TRRAP: variants seen among roughly 807,000 people sequenced by gnomAD.
TRRAP encodes the protein transformation/transcription domain-associated protein.
A neutral mutation model predicts 438.8 loss-of-function variants in TRRAP; 41 were observed. That is an observed-to-expected ratio of 0.09 (90% confidence interval 0.07 to 0.12). The LOEUF (loss-of-function observed/expected upper bound fraction) is 0.12. Among genes scored for constraint, TRRAP ranks in the 10% least tolerant of loss-of-function variants. The pLI is 1.00. For missense variants in TRRAP, 3,122 were observed against 5,055.1 expected (o/e 0.62, Z 11.60); for synonymous variants, 1,994 against 1,962.9 (o/e 1.02, Z -0.42).
intron 60 of TRRAP, 136 bp downstream of exon 60, chr7:98,983,595 T>C: frequency 1.0e-6 from 1 of 955,996 alleles, no homozygotes; most frequent in Non-Finnish European, 1.6e-6. Flanking sequence ...GGGTAGGGAA[T>C]GACAGGTCGG....
intron 67 of TRRAP, chr7:98,999,310 A>G (rs1793812025): frequency 7.5e-7 from 1 of 1,327,486 alleles, no homozygotes; most frequent in Non-Finnish European, 1.1e-6. Flanking sequence ...TTTATCTGCT[A>G]AGCTTGATCA....
Position 98,925,156 on chromosome 7 carries a change from G to A in TRRAP, c.2868G>A (p.Glu956=). Residue 956 remains glutamate, a synonymous_variant, in exon 22 of 73, where the codon GAG becomes GAA. Transcript: ENST00000456197. ...ACTGCCTGAAAAGCGCCAACACTGAGCCCTACTACCGGAGGCAGGCGTGGG... is the reference window on the plus strand; with the variant it reads ...ACTGCCTGAAAAGCGCCAACACTGAACCCTACTACCGGAGGCAGGCGTGGG... ...ALDCLKSANT[E]PYYRRQAWEV... is the part of the protein sequence containing the mutation. 6.2e-7 allele frequency: 1 copy of A among 1,614,214 alleles called. No individual in the cohort carries two copies. The highest frequency in any genetic ancestry group is 8.5e-7 in the Non-Finnish European group (1 of 1,180,040).
chr7:98,923,342 CT>C (rs1168400393), intron 21 of TRRAP, among the ~76,000 whole-genome samples: 1 of 152,170 alleles, frequency 6.6e-6, no homozygotes, highest in Non-Finnish European at 1.5e-5. Context: ...CTTACAGAGG[CT>C]CACCATGGTG....
chr7:99,002,980 G>A (rs1794002631), intron 67 of TRRAP, among the ~76,000 whole-genome samples: 1 of 152,192 alleles, frequency 6.6e-6, no homozygotes, highest in African/African-American at 2.4e-5. Flanking sequence ...GAAAAGTGAG[G>A]CCCTAAGAGG....
Position 98,908,898 on chromosome 7 carries a change from G to A in TRRAP, c.1286G>A (p.Cys429Tyr), listed in dbSNP as rs1554408025. ...AAGCTCCTGCTGAACCTGGTGGACTGCATCCGTTCCAAGAGCGAGCAGGAG... is the reference window on the plus strand; with the variant it reads ...AAGCTCCTGCTGAACCTGGTGGACTACATCCGTTCCAAGAGCGAGCAGGAG... ...SCKLLLNLVD[C>Y]IRSKSEQESG... The change falls in exon 14 of 73, where the codon TGC becomes TAC. Residue 429 changes from cysteine (C) to tyrosine (Y), a missense_variant. Physicochemically the swap from Cys to Tyr is radical, Grantham distance 194. Coordinates refer to ENST00000456197, the MANE Select transcript of TRRAP (RefSeq NM_001375524.1). This position sits in a 1 kb window ranked among gnomAD's most constrained non-coding sequence, Gnocchi z 4.1. 1 of 1,614,002 alleles carries A rather than the reference G, an allele frequency of 6.2e-7. No individual in the cohort carries two copies. The highest frequency in any genetic ancestry group is 1.7e-5 in the Admixed American group (1 of 60,006).
chr7:98,967,090 A>G lies in TRRAP; in HGVS notation c.7226A>G (p.Tyr2409Cys), dbSNP rs1584372086. The G allele has an allele frequency of 1.2e-6, 2 of 1,614,116 alleles. No homozygotes were observed. The highest frequency in any genetic ancestry group is 1.7e-6 in the Non-Finnish European group (2 of 1,179,948). Reference sequence around the variant, plus strand: ...ATTTTGCTTGTGAAGATGATGACTTACATAGAAAAACGCTTTCCGGAAGAC... The same window carrying G: ...ATTTTGCTTGTGAAGATGATGACTTGCATAGAAAAACGCTTTCCGGAAGAC... Reference protein sequence around the residue: ...KSILLVKMMTYIEKRFPEDLE... With the variant: ...KSILLVKMMTCIEKRFPEDLE... Residue 2409 changes from tyrosine to cysteine, a missense_variant, in exon 50 of 73, where the codon TAC becomes TGC. Around this residue, in one of 24 missense-constraint regions of TRRAP, gnomAD observed 992 missense variants for 1,281.2 expected, o/e 0.77. Transcript: ENST00000456197.
chr7:99,012,781 G>GT lies in TRRAP; in HGVS notation c.*427dup, dbSNP rs1367414297. The stretch of plus-strand genomic sequence containing the variant: ...GCTTCGTGCTTTTGTACAGACCTTT[G>GT]TAACAAGTGTACAGAAAACTCATTT... On this transcript the variant is annotated 3_prime_UTR_variant, in exon 73 of 73. Coordinates refer to ENST00000456197, the MANE Select transcript of TRRAP (RefSeq NM_001375524.1). The surrounding 1 kb of genome is among the most constrained non-coding windows in gnomAD (Gnocchi z 5.9). 1 of 167,690 alleles carries GT rather than the reference G, an allele frequency of 6.0e-6. No homozygotes were observed. Among genetic ancestry groups the GT allele is most frequent in the Admixed American group, 6.1e-5 (1 of 16,500 alleles). The allele number at this position is 167,690 out of a possible 1,614,324, so 10.4% of individuals were successfully genotyped here.
chr7:98,992,347 A>G (rs563845465), intron 65 of TRRAP, 120 bp downstream of exon 65: 29 of 1,024,394 alleles, frequency 2.8e-5, no homozygotes, highest in Middle Eastern at 2.7e-4. Context: ...GCCGTGGCCA[A>G]TCTCTCCTCA....
At chr7:98,888,525 A>C (rs1048583138) in intron 3 of TRRAP, among the ~76,000 whole-genome samples, 1 of 152,230 alleles carries the variant, frequency 6.6e-6, no homozygotes, top group Admixed American at 6.5e-5. Flanking sequence ...CGACAGAGTG[A>C]GACTCCGTCT....
At chr7:98,891,434 C>T (rs914600511) in intron 4 of TRRAP, among the ~76,000 whole-genome samples, 2 of 151,656 alleles carry the variant, frequency 1.3e-5, no homozygotes, top group Non-Finnish European at 1.5e-5. Context: ...CTCCTGACCT[C>T]AGGTGATCCG....
rs77909641 is a variant in TRRAP, at chr7:98,950,872, G to A, written c.5335-4G>A. Reference sequence around the variant, plus strand: ...CTCCTTCTTTATTTAAATTTTTTTTGTAGGTTCTGCAGCATATCTTGAATC... The same window carrying A: ...CTCCTTCTTTATTTAAATTTTTTTTATAGGTTCTGCAGCATATCTTGAATC... On this transcript the variant is annotated splice_region_variant and splice_polypyrimidine_tract_variant and intron_variant, in intron 38 of 72. Transcript: ENST00000456197. 1 of 1,519,458 alleles carries A rather than the reference G, an allele frequency of 6.6e-7. No homozygotes were observed. Among genetic ancestry groups the A allele is most frequent in the Non-Finnish European group, 8.8e-7 (1 of 1,137,568 alleles). 94.1% of individuals were successfully genotyped at this position (1,519,458 alleles called of 1,614,324 possible).
At position 98,892,519 on chromosome 7, in the gene TRRAP, C is replaced by G; in HGVS notation, c.357C>G (p.Arg119=). The G allele has an allele frequency of 1.9e-6, 3 of 1,609,176 alleles. No individual in the cohort carries two copies. The highest frequency in any genetic ancestry group is 2.5e-6 in the Non-Finnish European group (3 of 1,178,612). Residue 119 remains arginine (R), a synonymous_variant, in exon 5 of 73, where the codon CGC becomes CGG. Transcript: ENST00000456197. ...AAAATGTTTTGTCTGTGATGTTTCG[C>G]TTTTTAGAGGTAAGTTTTGAGAATT... The part of the protein sequence containing the change: ...HTKNVLSVMF[R]FLETENEENV...
chr7:98,949,553 G>A lies in TRRAP; in HGVS notation c.4925G>A (p.Arg1642His), dbSNP rs1175048909. ...RPGSPSTSTM[R>H]LDLQFQAIKI... ...GGTTCGCCCAGCACCAGCACCATGC[G>A]CCTGGACCTCCAGTTCCAGGCCATC... The change falls in exon 36 of 73, where the codon CGC becomes CAC. Residue 1642 changes from arginine to histidine, a missense_variant. Arg to His is a conservative substitution (Grantham distance 29). Transcript: ENST00000456197. 9.4e-6 allele frequency: 15 copies of A among 1,587,966 alleles called. No individual in the cohort carries two copies. The highest frequency in any genetic ancestry group is 1.4e-5 in the African/African-American group (1 of 73,746).
chr7:98,920,446 G>T (rs1789729973), intron 20 of TRRAP, among the ~76,000 whole-genome samples: 1 of 150,950 alleles, frequency 6.6e-6, no homozygotes, highest in Admixed American at 6.6e-5. Context: ...CTCCAGCCTG[G>T]TTGACAGAGC....
In TRRAP at chr7:99,012,046, T is replaced by A. The variant is rs897179883; in HGVS notation, c.11338-25T>A. On this transcript the variant is annotated intron_variant, in intron 72 of 72. Transcript: ENST00000456197. The surrounding 1 kb of genome is among the most constrained non-coding windows in gnomAD (Gnocchi z 5.9). ...TGGGCTGTTCTTGGTTAAACACAAG[T>A]CGTCTCGTTCTCTCCCTCACGCAGG... is the stretch of plus-strand genomic sequence containing the variant. 6.2e-7 allele frequency: 1 copy of A among 1,606,622 alleles called. No homozygotes were observed.
At position 98,947,276 on chromosome 7, in the gene TRRAP, C is replaced by G. The variant is rs145802302; in HGVS notation, c.4549-945C>G. ...AGAACATGCAGCACCCTTGGCATTT[C>G]ACACATCTTTGATTTAATTCAGCGG... On this transcript the variant is annotated intron_variant, in intron 33 of 72. Coordinates refer to ENST00000456197, the MANE Select transcript of TRRAP (RefSeq NM_001375524.1). Among the ~76,000 whole-genome samples, 851 of 152,332 alleles carry G rather than the reference C, an allele frequency of 5.6e-3. 3 individuals are homozygous for G. Among genetic ancestry groups the G allele is most frequent in the African/African-American group, 0.018 (755 of 41,586 alleles).
chr7:98,986,350 G>A (rs1050360227), intron 62 of TRRAP, among the ~76,000 whole-genome samples: 4 of 152,160 alleles, frequency 2.6e-5, no homozygotes, highest in African/African-American at 9.7e-5. Flanking sequence ...ATCTTTTTGA[G>A]ACATTGTCAA....
In TRRAP at chr7:99,005,477, G is replaced by A; in HGVS notation, c.10753+129G>A. On this transcript the variant is annotated intron_variant, in intron 69 of 72. Transcript: ENST00000456197. This position sits in a 1 kb window ranked among gnomAD's most constrained non-coding sequence, Gnocchi z 5.1. Reference sequence around the variant, plus strand: ...GGGTCCAGCTGCGTCAGCAGAGAATGTTGTAGTCTGTGCTGACCAGGGAAG... The same window carrying A: ...GGGTCCAGCTGCGTCAGCAGAGAATATTGTAGTCTGTGCTGACCAGGGAAG... 3 of 857,340 alleles carry A rather than the reference G, an allele frequency of 3.5e-6. No homozygotes were observed. The highest frequency in any genetic ancestry group is 1.7e-5 in the African/African-American group (1 of 60,020). The allele number at this position is 857,340 out of a possible 1,614,324, so 53.1% of individuals were successfully genotyped here.
Position 98,988,596 on chromosome 7 carries a change from G to A in TRRAP, c.9390-169G>A, listed in dbSNP as rs147945640. On this transcript the variant is annotated intron_variant, in intron 62 of 72. Coordinates refer to ENST00000456197, the MANE Select transcript of TRRAP (RefSeq NM_001375524.1). Reference sequence around the variant, plus strand: ...ACAGAAGGCAGACTGCAGGTTCCCAGGGGCTGGAGGTGGGAGGGGTTCAGA... The same window carrying A: ...ACAGAAGGCAGACTGCAGGTTCCCAAGGGCTGGAGGTGGGAGGGGTTCAGA... 8.9e-4 allele frequency among the ~76,000 whole-genome samples: 135 copies of A among 152,300 alleles called. No individual in the cohort carries two copies. The East Asian group carries it at 0.026, about 29-fold the overall frequency.
Sources: gnomAD v4.1 joint callset for allele counts (sites outside exome capture counted in the v4.1 genomes callset) on GRCh38, gnomAD v4.1.1 for gene constraint, gnomAD v4.1.1 regional missense constraint, Gnocchi (gnomAD v3.1) non-coding constraint, MANE v1.5 for transcripts, NCBI Gene and HGNC (gene_info 2026-07-23, HGNC 2026-07-21) for gene names.